Variants in PTPN2 observed in about 807,000 individuals in gnomAD.
PTPN2 encodes the protein tyrosine-protein phosphatase non-receptor type 2.
Under a neutral mutation model 57.3 loss-of-function variants are expected in PTPN2, and 19 were observed. The ratio of observed to expected loss-of-function variants is 0.33; its 90% CI spans 0.23 to 0.49. The LOEUF is 0.49. Among genes scored for constraint, PTPN2 ranks in the 20% least tolerant of loss-of-function variants. The pLI, the probability that PTPN2 is intolerant of heterozygous loss-of-function variation, is 0.99. For missense variants in PTPN2, 358 were observed against 501.1 expected, an observed-to-expected ratio of 0.71 and a Z score of 2.73; for synonymous variants, 153 against 164.9, an observed-to-expected ratio of 0.93 and a Z score of 0.55.
chr18:12,788,292 G>GA (rs1268945690), downstream of PTPN2: 7 of 152,276 alleles, frequency 4.6e-5, no homozygotes, highest in Non-Finnish European at 7.3e-5. Flanking sequence ...AGAAAGTCGT[G>GA]AAGCAGTTTC....
chr18:12,848,872 G>A (rs2043299684), intron 2 of PTPN2, among the ~76,000 whole-genome samples: 1 of 152,154 alleles, frequency 6.6e-6, no homozygotes, highest in African/African-American at 2.4e-5. Context: ...TTCCTGCTTT[G>A]GCTATGAAAG....
chr18:12,815,282 C>T (rs1212811948), intron 6 of PTPN2, among the ~76,000 whole-genome samples: 7 of 151,620 alleles, frequency 4.6e-5, no homozygotes, highest in East Asian at 3.9e-4. Context: ...CATGGTGGTA[C>T]GCACTTGTAG....
rs752032352 is a variant in PTPN2 at position 12,793,594 on chromosome 18, T to C, written c.*684A>G. The C allele has an allele frequency of 1.4e-5, 14 of 977,214 alleles. No homozygotes were observed. In the South Asian group the frequency reaches 5.2e-4, roughly 36 times the overall value. The allele number at this position is 977,214 out of a possible 1,614,324, so 60.5% of individuals were successfully genotyped here. A position where few individuals can be genotyped will look rare whatever the true frequency, so the allele number is the denominator to read the frequency against. On this transcript the variant is annotated 3_prime_UTR_variant, in exon 9 of 9. Coordinates refer to ENST00000309660, the MANE Select transcript of PTPN2 (RefSeq NM_002828.4). ...GGAAAACTGTAAAACATAAAAGAAA[T>C]GCAATATATAGTAGAAATTGCTTAT... is the stretch of plus-strand genomic sequence containing the variant.
chr18:12,840,807 A>C, intron 2 of PTPN2: 2 of 1,598,166 alleles, frequency 1.3e-6, no homozygotes, highest in East Asian at 2.2e-5. Flanking sequence ...TGCTGACATC[A>C]CCTTTTCACG....
At chr18:12,790,746 C>T (rs1440470127), downstream of PTPN2, among the ~76,000 whole-genome samples, 1 of 152,206 alleles carries the variant, frequency 6.6e-6, no homozygotes, top group African/African-American at 2.4e-5. Context: ...TCGATTCATA[C>T]CACCAACTTT....
intron 8 of PTPN2, chr18:12,801,766 A>G: frequency 1.8e-6 from 1 of 549,576 alleles, no homozygotes; most frequent in Non-Finnish European, 3.2e-6. Flanking sequence ...ATAAGGTCTC[A>G]CTATGTTGCC....
chr18:12,868,704 CG>C (rs2044081436), intron 1 of PTPN2, among the ~76,000 whole-genome samples: 1 of 147,966 alleles, frequency 6.8e-6, no homozygotes, highest in African/African-American at 2.5e-5. Flanking sequence ...GAGGCTGAGG[CG>C]GGCGGATCAC....
Position 12,865,466 on chromosome 18 carries a change from G to A in PTPN2, c.70-6212C>T, listed in dbSNP as rs184338432. On this transcript the variant is annotated intron_variant, in intron 1 of 8. Transcript: ENST00000309660. ...AAAAAAAAAAAAAAGAGAGAGGCGG[G>A]GCACAGTGGCTCATGCCTGTAATCC... is the stretch of plus-strand genomic sequence containing the variant. Among the ~76,000 whole-genome samples the A allele has an allele frequency of 8.6e-3, 1,308 of 151,700 alleles. 5 individuals carry two copies. The highest frequency in any genetic ancestry group is 0.015 in the Admixed American group (228 of 15,224).
intron 5 of PTPN2, among the ~76,000 whole-genome samples, chr18:12,819,547 G>A (rs1031517898): frequency 6.6e-6 from 1 of 151,834 alleles, no homozygotes; most frequent in South Asian, 2.1e-4. Context: ...AGAGGTGACA[G>A]AACCGATCTA....
Position 12,794,216 on chromosome 18 carries a change from C to T in PTPN2, c.*62G>A. 1 of 1,603,250 alleles carries T rather than the reference C, an allele frequency of 6.2e-7. No individual in the cohort carries two copies. Among genetic ancestry groups the T allele is most frequent in the Non-Finnish European group, 8.5e-7 (1 of 1,175,246 alleles). On this transcript the variant is annotated 3_prime_UTR_variant, in exon 9 of 9. Coordinates refer to ENST00000309660, the MANE Select transcript of PTPN2 (RefSeq NM_002828.4). ...ATGAGGCGTTTGCTGCAGACAAACC[C>T]CTATGATTAATGTAGCACTGTCAGT...
intron 8 of PTPN2, among the ~76,000 whole-genome samples, chr18:12,801,064 C>CA (rs1234048235): frequency 1.3e-5 from 2 of 152,068 alleles, no homozygotes; most frequent in Non-Finnish European, 2.9e-5. Context: ...TTTTCTGTAC[C>CA]ATACCATATA....
At chr18:12,812,381 C>G (rs912169826) in intron 7 of PTPN2, among the ~76,000 whole-genome samples, 1 of 152,178 alleles carries the variant, frequency 6.6e-6, no homozygotes, top group Non-Finnish European at 1.5e-5. Context: ...TGGGCGATCA[C>G]TTGAGGTCAG....
At chr18:12,799,412 G>A (rs1003824045) in intron 8 of PTPN2, among the ~76,000 whole-genome samples, 3 of 149,670 alleles carry the variant, frequency 2.0e-5, no homozygotes, top group Admixed American at 2.0e-4. Flanking sequence ...GCAAGACTCC[G>A]TCTCAGGAAA....
rs534157119 is a variant in PTPN2, at chr18:12,798,659, T to C, written c.1040+3311A>G. On this transcript the variant is annotated intron_variant, in intron 8 of 8. Transcript: ENST00000309660. Reference sequence around the variant, plus strand: ...TTTTCTTTATGCAGTCTATCATTGATAGGCATTTAGATTGATTCCATGTCT... The same window carrying C: ...TTTTCTTTATGCAGTCTATCATTGACAGGCATTTAGATTGATTCCATGTCT... Among the ~76,000 whole-genome samples the C allele has an allele frequency of 2.0e-5, 3 of 152,360 alleles. No individual in the cohort carries two copies. The South Asian group carries it at 6.2e-4, about 32-fold the overall frequency.
intron 2 of PTPN2, among the ~76,000 whole-genome samples, chr18:12,837,327 A>AT (rs1176283882): frequency 1.3e-5 from 2 of 152,200 alleles, no homozygotes; most frequent in Non-Finnish European, 2.9e-5. Flanking sequence ...TTCTCAACAG[A>AT]TAAGAATTCC....
chr18:12,858,113 T>C (rs2043656772), intron 2 of PTPN2, among the ~76,000 whole-genome samples: 1 of 152,114 alleles, frequency 6.6e-6, no homozygotes. Context: ...TATATAAAGG[T>C]ATACAGTCTG....
chr18:12,870,052 T>C (rs1389949352), intron 1 of PTPN2, among the ~76,000 whole-genome samples: 1 of 151,486 alleles, frequency 6.6e-6, no homozygotes, highest in Admixed American at 6.6e-5. Context: ...CATTTTTTTT[T>C]CTTTGAGAAG....
At chr18:12,843,008 C>T (rs1249961584) in intron 2 of PTPN2, among the ~76,000 whole-genome samples, 1 of 152,180 alleles carries the variant, frequency 6.6e-6, no homozygotes, top group Non-Finnish European at 1.5e-5. Flanking sequence ...AGGAAAAGCG[C>T]AGAAACCTTC....
intron 1 of PTPN2, among the ~76,000 whole-genome samples, chr18:12,866,601 A>G (rs1163509160): frequency 2.6e-5 from 4 of 152,198 alleles, no homozygotes; most frequent in African/African-American, 2.4e-5. Context: ...AACTGTATGT[A>G]CCCAGTCTCT....
Sources: allele counts gnomAD v4.1 joint callset (sites outside exome capture counted in the v4.1 genomes callset), GRCh38; gene constraint gnomAD v4.1.1; transcripts MANE v1.5; gene names NCBI Gene and HGNC (gene_info 2026-07-23, HGNC 2026-07-21).